CLCN6: variants seen among roughly 807,000 people sequenced by gnomAD.
CLCN6 encodes the protein H(+)/Cl(-) exchange transporter 6.
CLCN6 carries 70 observed loss-of-function variants against 109.8 expected under a neutral mutation model. The observed-to-expected ratio is 0.64, with a 90% confidence interval of 0.53 to 0.78. The LOEUF (loss-of-function observed/expected upper bound fraction) is 0.78, where lower values mean the gene tolerates loss of function less well. CLCN6 is among the 30% of genes least tolerant of loss of function. CLCN6 has a pLI of 0.00. For missense variants in CLCN6, 984 were observed against 1,142.3 expected (o/e 0.86, Z 2.00); for synonymous variants, 444 against 447.8 (o/e 0.99, Z 0.11).
intron 6 of CLCN6, among the ~76,000 whole-genome samples, chr1:11,823,310 GC>G (rs1644769291): frequency 1.5e-5 from 2 of 130,190 alleles, no homozygotes; most frequent in Admixed American, 1.5e-4. Flanking sequence ...TACAAAATTA[GC>G]CGGTAAAAAT....
At chr1:11,819,741 A>T (rs143381652) in intron 5 of CLCN6, among the ~76,000 whole-genome samples, 187 bp downstream of exon 5, 1 of 152,186 alleles carries the variant, frequency 6.6e-6, no homozygotes, top group African/African-American at 2.4e-5. Flanking sequence ...ACATATACCT[A>T]TGTTTGTGGT....
intron 5 of CLCN6, chr1:11,820,337 A>C: frequency 1.4e-6 from 1 of 713,630 alleles, no homozygotes; most frequent in Non-Finnish European, 2.6e-6. Flanking sequence ...AAATAGTTAT[A>C]TTCCTATTTC....
intron 10 of CLCN6, among the ~76,000 whole-genome samples, chr1:11,827,429 A>ATTTTTTTTTTTTTTTTTT (rs1644827434): frequency 8.6e-6 from 1 of 116,548 alleles, no homozygotes; most frequent in Non-Finnish European, 1.9e-5. Flanking sequence ...AACCGCTGTT[A>ATTTTTTTTTTTTTTTTTT]CTTTTTTTTT....
Position 11,834,332 on chromosome 1 carries a change from G to A in CLCN6, c.1623G>A (p.Thr541=), listed in dbSNP as rs778704963. The A allele has an allele frequency of 3.8e-5, 62 of 1,613,940 alleles. No homozygotes were observed. The South Asian group carries it at 4.9e-4, about 13-fold the overall frequency. The change falls in exon 16 of 23, where the codon ACG becomes ACA. Residue 541 remains threonine, a synonymous_variant. Transcript: ENST00000346436. This position sits in a 1 kb window ranked among gnomAD's most constrained non-coding sequence, Gnocchi z 4.5. ...TGGTCCGCATGACCATCAGCCTCAC[G>A]GTCATCCTGATCGAGTCCACCAATG... ...GGVVRMTISL[T]VILIESTNEI...
chr1:11,823,121 A>G (rs1407957315), intron 6 of CLCN6, among the ~76,000 whole-genome samples: 3 of 152,198 alleles, frequency 2.0e-5, no homozygotes, highest in Non-Finnish European at 2.9e-5. Flanking sequence ...GCATCATGCA[A>G]TATACCCTCG....
intron 5 of CLCN6, among the ~76,000 whole-genome samples, chr1:11,821,612 C>T (rs1570525229): frequency 6.6e-6 from 1 of 152,218 alleles, no homozygotes; most frequent in Middle Eastern, 3.4e-3. Context: ...AACAGATGGT[C>T]CAATGGAAGG....
rs532104620 is a variant in CLCN6, at chr1:11,806,331, C to T, written c.69C>T (p.Thr23=). 2.6e-6 allele frequency: 4 copies of T among 1,516,458 alleles called. No individual in the cohort carries two copies. The highest frequency in any genetic ancestry group is 3.5e-6 in the Non-Finnish European group (4 of 1,143,640). The allele number at this position is 1,516,458 out of a possible 1,614,324, so 93.9% of individuals were successfully genotyped here. A position where few individuals can be genotyped will look rare whatever the true frequency, so the allele number is the denominator to read the frequency against. The change falls in exon 1 of 23, where the codon ACC becomes ACT. Residue 23 remains threonine, a synonymous_variant. Coordinates refer to ENST00000346436, the MANE Select transcript of CLCN6 (RefSeq NM_001286.5). Reference sequence around the variant, plus strand: ...GCTGCTGCTGCGGTGAGCGTGAGACCCGCACCCCCGAGGAGCTGGTAAGAA... The same window carrying T: ...GCTGCTGCTGCGGTGAGCGTGAGACTCGCACCCCCGAGGAGCTGGTAAGAA... ...RWCCCCGERE[T]RTPEELTILG... is the part of the protein sequence containing the mutation.
Position 11,838,391 on chromosome 1 carries a change from C to T in CLCN6, c.2352C>T (p.Tyr784=). 6.2e-7 allele frequency: 1 copy of T among 1,613,908 alleles called. No individual in the cohort carries two copies. The highest frequency in any genetic ancestry group is 8.5e-7 in the Non-Finnish European group (1 of 1,180,004). The part of the protein sequence containing the change: ...YAEMAEDYPR[Y]PDIHDLDLTL... ...AGATGGCCGAGGACTACCCGCGGTA[C>T]CCCGACATCCACGACCTGGACCTGA... Residue 784 remains tyrosine (Y), a synonymous_variant, in exon 21 of 23, where the codon TAC becomes TAT. Coordinates refer to ENST00000346436, the MANE Select transcript of CLCN6 (RefSeq NM_001286.5).
chr1:11,832,778 A>G (rs948019971), intron 13 of CLCN6, among the ~76,000 whole-genome samples: 2 of 152,260 alleles, frequency 1.3e-5, no homozygotes, highest in African/African-American at 4.8e-5. Context: ...TACACTGTCA[A>G]CTAGAAAATA....
intron 9 of CLCN6, among the ~76,000 whole-genome samples, chr1:11,826,563 A>G (rs1177650896): frequency 6.6e-6 from 1 of 152,030 alleles, no homozygotes; most frequent in Non-Finnish European, 1.5e-5. Context: ...GTCAGAAGGT[A>G]CTCTTAGTAG....
chr1:11,829,305 G>T lies in CLCN6; in HGVS notation c.1231G>T (p.Asp411Tyr). 1 of 1,614,088 alleles carries T rather than the reference G, an allele frequency of 6.2e-7. No homozygotes were observed. Among genetic ancestry groups the T allele is most frequent in the South Asian group, 1.1e-5 (1 of 91,040 alleles). The change falls in exon 13 of 23, where the codon GAC becomes TAC. Residue 411 changes from aspartate (D) to tyrosine (Y), a missense_variant. Coordinates refer to ENST00000346436, the MANE Select transcript of CLCN6 (RefSeq NM_001286.5). ...QMSSSSQIGN[D>Y]SFQLQVTEDV... Reference sequence around the variant, plus strand: ...GTCCTCTTCGAGTCAAATCGGTAATGACTCATTCCAGCTCCAGGTAACCCC... The same window carrying T: ...GTCCTCTTCGAGTCAAATCGGTAATTACTCATTCCAGCTCCAGGTAACCCC...
At chr1:11,827,430 CTT>C (rs59015951) in intron 10 of CLCN6, among the ~76,000 whole-genome samples, 19 of 105,016 alleles carry the variant, frequency 1.8e-4, no homozygotes, top group African/African-American at 4.8e-4. Context: ...ACCGCTGTTA[CTT>C]TTTTTTTTTT....
intron 10 of CLCN6, 38 bp from the exon 11 acceptor site, chr1:11,828,068 C>A: frequency 6.7e-7 from 1 of 1,492,434 alleles, no homozygotes; most frequent in South Asian, 1.1e-5. Context: ...GGACATGCCA[C>A]TCCTGAACCT....
intron 2 of CLCN6, among the ~76,000 whole-genome samples, chr1:11,809,430 A>G (rs150229682): frequency 6.6e-6 from 1 of 152,262 alleles, no homozygotes; most frequent in Non-Finnish European, 1.5e-5. Context: ...TTCAGCTGAT[A>G]TGCATATTCA....
chr1:11,841,925 AAT>A lies in CLCN6; in HGVS notation c.*1704_*1705del, dbSNP rs1174446504. The stretch of plus-strand genomic sequence containing the variant: ...TGCACCTGACTTATGAAATGGGGAT[AAT>A]ACTCCCAGGAAATAGCGCAGGACAT... On this transcript the variant is annotated 3_prime_UTR_variant, in exon 23 of 23. Transcript: ENST00000346436. The A allele has an allele frequency of 3.3e-4, 50 of 152,344 alleles. No homozygotes were observed. The highest frequency in any genetic ancestry group is 1.1e-3 in the African/African-American group (47 of 41,572). 9.4% of individuals were successfully genotyped at this position (152,344 alleles called of 1,614,324 possible). A position where few individuals can be genotyped will look rare whatever the true frequency, so the allele number is the denominator to read the frequency against.
chr1:11,822,566 T>C, intron 5 of CLCN6, 129 bp from the exon 6 acceptor site: 1 of 572,396 alleles, frequency 1.7e-6, no homozygotes, highest in South Asian at 2.4e-5. Flanking sequence ...TTTAAAAAAT[T>C]TTTATATATA....
Position 11,835,979 on chromosome 1 carries a change from C to A in CLCN6, c.1806C>A (p.Ser602Arg). The change falls in exon 18 of 23, where the codon AGC becomes AGA. Residue 602 changes from serine to arginine, a missense_variant. Ser to Arg is a moderately radical substitution (Grantham distance 110). Coordinates refer to ENST00000346436, the MANE Select transcript of CLCN6 (RefSeq NM_001286.5). ...TEVEMDKLRA[S>R]DIMEPNLTYV... The stretch of plus-strand genomic sequence containing the variant: ...CCTCCTCCCCCAGGCTGAGAGCCAG[C>A]GACATCATGGAGCCCAACCTGACCT... 1 of 1,613,058 alleles carries A rather than the reference C, an allele frequency of 6.2e-7. No homozygotes were observed. The highest frequency in any genetic ancestry group is 1.1e-5 in the South Asian group (1 of 90,972).
chr1:11,811,208 CA>C (rs1308591375), intron 2 of CLCN6, among the ~76,000 whole-genome samples: 15 of 143,868 alleles, frequency 1.0e-4, no homozygotes, highest in Admixed American at 1.4e-4. Flanking sequence ...GAGACCCTGA[CA>C]AAAAAAAAAG....
Position 11,826,161 on chromosome 1 carries a change from G to C in CLCN6, c.654G>C (p.Gln218His). Residue 218 changes from glutamine (Q) to histidine (H), a missense_variant, in exon 9 of 23, where the codon CAG becomes CAC. Physicochemically the swap from Gln to His is conservative, Grantham distance 24. Coordinates refer to ENST00000346436, the MANE Select transcript of CLCN6 (RefSeq NM_001286.5). ...SVVGAGLPQF[Q>H]SISLRKIQFN... Reference sequence around the variant, plus strand: ...TCTCTTTTCTCTTGCTTTAGTTTCAGAGCATCTCCTTACGGAAGATCCAGT... The same window carrying C: ...TCTCTTTTCTCTTGCTTTAGTTTCACAGCATCTCCTTACGGAAGATCCAGT... The C allele has an allele frequency of 6.2e-7, 1 of 1,613,046 alleles. No individual in the cohort carries two copies. Among genetic ancestry groups the C allele is most frequent in the Non-Finnish European group, 8.5e-7 (1 of 1,179,310 alleles).
Sources: allele counts gnomAD v4.1 joint callset (sites outside exome capture counted in the v4.1 genomes callset), GRCh38; gene constraint gnomAD v4.1.1; non-coding constraint Gnocchi (gnomAD v3.1); transcripts MANE v1.5; gene names NCBI Gene and HGNC (gene_info 2026-07-23, HGNC 2026-07-21).